The following TMEM87A variants were observed in gnomAD, a reference collection of about 807,000 sequenced individuals.
The protein encoded by TMEM87A is transmembrane protein 87A, also known as Golgi-pH regulating cation channel.
In TMEM87A, 50 loss-of-function variants were observed where a neutral mutation model predicts 90.0. That is an observed-to-expected ratio of 0.56 (90% CI 0.44 to 0.70). The LOEUF (loss-of-function observed/expected upper bound fraction) is 0.70. Ranked by LOEUF, TMEM87A falls within the 30% of genes least tolerant of loss-of-function variation. The pLI, the probability that TMEM87A is intolerant of heterozygous loss-of-function variation, is 0.00. For missense variants in TMEM87A, 577 were observed against 660.5 expected (o/e 0.87, Z 1.39); for synonymous variants, 226 against 226.7 (o/e 1.00, Z 0.03).
chr15:42,238,768 T>TTA (rs71108154), intron 8 of TMEM87A, among the ~76,000 whole-genome samples: 2 of 147,788 alleles, frequency 1.4e-5, no homozygotes, highest in Non-Finnish European at 3.0e-5. Context: ...TTTTTTTTTT[T>TTA]AAAGAAGGAG....
At chr15:42,272,934 C>A (rs1437758597) in intron 1 of TMEM87A, 4 of 524,348 alleles carry the variant, frequency 7.6e-6, no homozygotes, top group East Asian at 5.0e-5. Flanking sequence ...TGTGAAACAT[C>A]TGAAAGATAA....
At position 42,259,581 on chromosome 15, in the gene TMEM87A, A is replaced by G. The variant is rs2051250770; in HGVS notation, c.504+1377T>C. On this transcript the variant is annotated intron_variant, in intron 6 of 19. Transcript: ENST00000389834. ...TTCAAGATCACAGCTGCCTGAGGTG[A>G]CCTTACCAACTGAGGCTATTAAGAG... Among the ~76,000 whole-genome samples, 4 of 152,164 alleles carry G rather than the reference A, an allele frequency of 2.6e-5. No individual in the cohort carries two copies. In the South Asian group the frequency reaches 8.3e-4, roughly 31 times the overall value.
At chr15:42,235,070 G>A (rs1474938611) in intron 10 of TMEM87A, among the ~76,000 whole-genome samples, 6 of 152,160 alleles carry the variant, frequency 3.9e-5, no homozygotes, top group East Asian at 1.9e-4. Flanking sequence ...ATGGAGTCTC[G>A]TTCTGTTACC....
At chr15:42,235,623 T>C (rs548663128) in intron 10 of TMEM87A, among the ~76,000 whole-genome samples, 4 of 152,152 alleles carry the variant, frequency 2.6e-5, no homozygotes, top group African/African-American at 7.2e-5. Flanking sequence ...AAAATATATA[T>C]AGAATCTGAT....
At chr15:42,245,954 T>C (rs1212878473) in intron 6 of TMEM87A, among the ~76,000 whole-genome samples, 1 of 152,248 alleles carries the variant, frequency 6.6e-6, no homozygotes, top group Non-Finnish European at 1.5e-5. Flanking sequence ...ATCAATGGTA[T>C]GTGGTACAAG....
intron 6 of TMEM87A, among the ~76,000 whole-genome samples, chr15:42,251,927 T>A (rs2051094567): frequency 6.6e-6 from 1 of 152,214 alleles, no homozygotes; most frequent in Non-Finnish European, 1.5e-5. Context: ...CCTGGCCGCT[T>A]TTTTACCTAC....
intron 15 of TMEM87A, chr15:42,226,546 C>G (rs2050597700): frequency 2.5e-6 from 1 of 397,100 alleles, no homozygotes. Context: ...AATGTCAGAG[C>G]TGAAAGGAAC....
chr15:42,224,706 A>G (rs1487194969), intron 15 of TMEM87A: 1 of 152,208 alleles, frequency 6.6e-6, no homozygotes, highest in East Asian at 1.9e-4. Context: ...TGTACTACAC[A>G]TGTCCCATAT....
intron 10 of TMEM87A, among the ~76,000 whole-genome samples, chr15:42,233,572 T>C (rs1481551763): frequency 1.3e-5 from 2 of 152,252 alleles, no homozygotes; most frequent in Non-Finnish European, 2.9e-5. Flanking sequence ...AGTAGTATAA[T>C]GCACCCTTAT....
intron 4 of TMEM87A, among the ~76,000 whole-genome samples, chr15:42,263,876 T>TA (rs1163797266): frequency 1.3e-5 from 2 of 152,120 alleles, no homozygotes; most frequent in Non-Finnish European, 2.9e-5. Flanking sequence ...TTTACCACAA[T>TA]AAAAAAATGG....
Position 42,244,175 on chromosome 15 carries a change from G to C in TMEM87A, c.505-8C>G. 5.3e-6 allele frequency: 8 copies of C among 1,506,114 alleles called. No individual in the cohort carries two copies. The highest frequency in any genetic ancestry group is 7.1e-6 in the Non-Finnish European group (8 of 1,122,188). 93.3% of individuals were successfully genotyped at this position (1,506,114 alleles called of 1,614,324 possible). ...CAATGGTTCATGCATTGCCTAGAAAGGGAAAAGGGCATCACATCTATAAAT... is the reference window on the plus strand; with the variant it reads ...CAATGGTTCATGCATTGCCTAGAAACGGAAAAGGGCATCACATCTATAAAT... On this transcript the variant is annotated splice_polypyrimidine_tract_variant and splice_region_variant and intron_variant, in intron 6 of 19. Coordinates refer to ENST00000389834, the MANE Select transcript of TMEM87A (RefSeq NM_015497.5).
At chr15:42,256,804 G>C (rs1246203143) in intron 6 of TMEM87A, among the ~76,000 whole-genome samples, 1 of 152,100 alleles carries the variant, frequency 6.6e-6, no homozygotes, top group African/African-American at 2.4e-5. Context: ...TGCAACCTCT[G>C]CCTCCCAGAC....
At chr15:42,251,206 GGTTT>G (rs1167486588) in intron 6 of TMEM87A, among the ~76,000 whole-genome samples, 1 of 152,010 alleles carries the variant, frequency 6.6e-6, no homozygotes, top group African/African-American at 2.4e-5. Flanking sequence ...AGCTCAGAGA[GGTTT>G]GTTATTACCA....
rs987276994 is a variant in TMEM87A at position 42,223,920 on chromosome 15, GT to G, written c.1403+2885del. 2.8e-4 allele frequency among the ~76,000 whole-genome samples: 43 copies of G among 152,044 alleles called. No homozygotes were observed. In the East Asian group the frequency reaches 5.8e-3, roughly 20 times the overall value. ...TTGTTAAATATGCAATTTCTTTCAG[GT>G]TTTTTTTGGGAACGTAATCTGGAAA... On this transcript the variant is annotated intron_variant, in intron 15 of 19. Coordinates refer to ENST00000389834, the MANE Select transcript of TMEM87A (RefSeq NM_015497.5).
intron 2 of TMEM87A, among the ~76,000 whole-genome samples, chr15:42,269,658 C>T (rs967166775): frequency 6.6e-6 from 1 of 152,166 alleles, no homozygotes; most frequent in Non-Finnish European, 1.5e-5. Context: ...ACAATAAGGT[C>T]GGGCGCGGTG....
chr15:42,230,767 T>C (rs2050673010), intron 12 of TMEM87A, among the ~76,000 whole-genome samples: 2 of 152,188 alleles, frequency 1.3e-5, no homozygotes, highest in Admixed American at 1.3e-4. Context: ...CCTTACATAG[T>C]TCCTGAAATC....
intron 12 of TMEM87A, among the ~76,000 whole-genome samples, chr15:42,230,615 C>A (rs2050670600): frequency 6.6e-6 from 1 of 152,142 alleles, no homozygotes; most frequent in South Asian, 2.1e-4. Context: ...GTTGACTCTG[C>A]CTGTAAATGA....
intron 15 of TMEM87A, among the ~76,000 whole-genome samples, chr15:42,220,651 T>C (rs1032731561): frequency 1.5e-4 from 23 of 152,156 alleles, no homozygotes; most frequent in Admixed American, 5.9e-4. Flanking sequence ...AGTTTACAAG[T>C]GGGAAGCTCA....
At chr15:42,217,403 T>C (rs946519720) in intron 19 of TMEM87A, among the ~76,000 whole-genome samples, 4 of 152,246 alleles carry the variant, frequency 2.6e-5, no homozygotes, top group Admixed American at 2.6e-4. Flanking sequence ...AAATAGTAGG[T>C]AACAATTTAG....
Sources: allele counts gnomAD v4.1 joint callset (sites outside exome capture counted in the v4.1 genomes callset), GRCh38; gene constraint gnomAD v4.1.1; transcripts MANE v1.5; gene names NCBI Gene and HGNC (gene_info 2026-07-23, HGNC 2026-07-21).